DIMT1: variants seen among roughly 807,000 people sequenced by gnomAD.
DIMT1 encodes dimethyladenosine transferase.
DIMT1 carries 36 observed loss-of-function variants against 43.2 expected under a neutral mutation model. The ratio of observed to expected loss-of-function variants is 0.83; its 90% CI spans 0.64 to 1.10. DIMT1 has a LOEUF of 1.10. Among genes scored for constraint, DIMT1 ranks in the 50% least tolerant of loss-of-function variants. DIMT1 has a pLI of 0.00. For synonymous variants in DIMT1, 126 were observed against 130.3 expected, an observed-to-expected ratio of 0.97 and a Z score of 0.22; for missense variants, 341 against 385.3, an observed-to-expected ratio of 0.88 and a Z score of 0.96.
Position 62,389,069 on chromosome 5 carries a change from A to C in DIMT1, c.900-17T>G. ...TGTAGCAATCTGAAAAAAGAAATCA[A>C]AATGGAATGGTACTGAAAAGCTAAT... On this transcript the variant is annotated splice_polypyrimidine_tract_variant and intron_variant, in intron 11 of 11. Transcript: ENST00000199320. 1 of 1,609,420 alleles carries C rather than the reference A, an allele frequency of 6.2e-7. No homozygotes were observed. The highest frequency in any genetic ancestry group is 8.5e-7 in the Non-Finnish European group (1 of 1,177,374).
In DIMT1 at chr5:62,403,138, A is replaced by G. The variant is rs796896095; in HGVS notation, c.153+135T>C. On this transcript the variant is annotated intron_variant, in intron 2 of 11. Coordinates refer to ENST00000199320, the MANE Select transcript of DIMT1 (RefSeq NM_014473.4). Reference sequence around the variant, plus strand: ...ATGCAGAAGACAGCCCAAGAATCCTAGACAATTATTTGATTCATTCAACAA... The same window carrying G: ...ATGCAGAAGACAGCCCAAGAATCCTGGACAATTATTTGATTCATTCAACAA... The G allele has an allele frequency of 6.0e-5, 46 of 769,184 alleles. No individual in the cohort carries two copies. The Middle Eastern group carries it at 9.7e-4, about 16-fold the overall frequency. 47.6% of individuals were successfully genotyped at this position (769,184 alleles called of 1,614,324 possible). A position where few individuals can be genotyped will look rare whatever the true frequency, so the allele number is the denominator to read the frequency against.
intron 3 of DIMT1, among the ~76,000 whole-genome samples, chr5:62,400,146 C>A (rs948275651): frequency 1.3e-5 from 2 of 152,124 alleles, no homozygotes; most frequent in Non-Finnish European, 2.9e-5. Context: ...CAATACATGG[C>A]ATAGATAACT....
In DIMT1 at chr5:62,389,994, C is replaced by A. The variant is rs140736010; in HGVS notation, c.899+882G>T. On this transcript the variant is annotated intron_variant, in intron 11 of 11. Transcript: ENST00000199320. ...AATAGTATTCAATGCCTAGGATTAA[C>A]ATCTAAAATGACTCAGTAGTACTGC... is the stretch of plus-strand genomic sequence containing the variant. Among the ~76,000 whole-genome samples the A allele has an allele frequency of 2.6e-5, 4 of 152,306 alleles. No homozygotes were observed. The East Asian group carries it at 7.7e-4, about 29-fold the overall frequency.
At chr5:62,397,030 A>G (rs1262107487) in intron 6 of DIMT1, among the ~76,000 whole-genome samples, 1 of 152,010 alleles carries the variant, frequency 6.6e-6, no homozygotes, top group Non-Finnish European at 1.5e-5. Flanking sequence ...GCTCACTACA[A>G]CCTCCGCCTC....
In DIMT1 at chr5:62,389,033, C is replaced by T. The variant is rs374161183; in HGVS notation, c.919G>A (p.Ala307Thr). 8.8e-5 allele frequency: 142 copies of T among 1,609,514 alleles called. No homozygotes were observed. The highest frequency in any genetic ancestry group is 1.7e-4 in the Middle Eastern group (1 of 6,058). Residue 307 changes from alanine (A) to threonine (T), a missense_variant, in exon 12 of 12, where the codon GCA becomes ACA. By Grantham distance (58) the Ala-to-Thr change is moderately conservative (BLOSUM62 0). Transcript: ENST00000199320. ...ACCTAGGAAAAATGAATACCTTCTG[C>T]GTTGAATCCATGTAGCAATCTGAAA... ...DFIRLLHGFN[A>T]EGIHFS
intron 9 of DIMT1, 127 bp from the exon 10 acceptor site, chr5:62,392,361 A>T (rs1742339985): frequency 1.4e-6 from 1 of 724,208 alleles, no homozygotes; most frequent in African/African-American, 1.8e-5. Context: ...ATGAAATTAA[A>T]TCTATATTCT....
intron 10 of DIMT1, chr5:62,391,919 G>T: frequency 6.5e-7 from 1 of 1,534,652 alleles, no homozygotes; most frequent in Non-Finnish European, 8.7e-7. Context: ...TCTTGTTATG[G>T]CTAAAAACAA....
At chr5:62,393,849 G>T in intron 8 of DIMT1, 106 bp downstream of exon 8, 1 of 952,352 alleles carries the variant, frequency 1.1e-6, no homozygotes, top group Non-Finnish European at 1.5e-6. Context: ...ATTTTCCTAT[G>T]TTTGAATATT....
rs772822120 is a variant in DIMT1, at chr5:62,403,682, G to T, written c.79+12C>A. 1.2e-6 allele frequency: 2 copies of T among 1,604,214 alleles called. No homozygotes were observed. The highest frequency in any genetic ancestry group is 1.3e-5 in the African/African-American group (1 of 74,840). ...ACCCGACCGACCCCAGCTTCCTCGC[G>T]GGGATCCGCACCTCCAGCGCTCTTC... On this transcript the variant is annotated intron_variant, in intron 1 of 11. Coordinates refer to ENST00000199320, the MANE Select transcript of DIMT1 (RefSeq NM_014473.4).
chr5:62,395,512 A>G (rs1349605324), intron 6 of DIMT1, among the ~76,000 whole-genome samples: 1 of 152,192 alleles, frequency 6.6e-6, no homozygotes, highest in East Asian at 1.9e-4. Context: ...TTGTATTTCA[A>G]AACAAAAGTT....
intron 3 of DIMT1, among the ~76,000 whole-genome samples, chr5:62,401,407 A>C (rs1379840598): frequency 6.9e-6 from 1 of 145,840 alleles, no homozygotes; most frequent in Non-Finnish European, 1.5e-5. Flanking sequence ...AGGCAGGAGA[A>C]TCTCTTGAAC....
chr5:62,403,144 T>C (rs1436398190), intron 2 of DIMT1, 129 bp downstream of exon 2: 11 of 806,014 alleles, frequency 1.4e-5, no homozygotes, highest in Non-Finnish European at 2.0e-5. Context: ...TCCTAGACAA[T>C]TATTTGATTC....
intron 10 of DIMT1, 37 bp from the exon 11 acceptor site, chr5:62,391,019 T>C (rs771157668): frequency 2.0e-5 from 31 of 1,556,930 alleles, no homozygotes; most frequent in Non-Finnish European, 2.7e-5. Context: ...GAACGACATA[T>C]CTTTAATGAG....
Position 62,403,278 on chromosome 5 carries a change from C to A in DIMT1, c.148G>T (p.Asp50Tyr). 2.5e-6 allele frequency: 4 copies of A among 1,613,516 alleles called. No individual in the cohort carries two copies. The highest frequency in any genetic ancestry group is 1.1e-5 in the South Asian group (1 of 91,032). Residue 50 changes from aspartate (D) to tyrosine (Y), a missense_variant, in exon 2 of 12, where the codon GAT (aspartate) becomes TAT (tyrosine). Physicochemically the swap from Asp to Tyr is radical, Grantham distance 160. Transcript: ENST00000199320. ...CTTTCCTCTTCCACACCCACCTTAT[C>A]GATAATGCTGTTAATAATGAGAGGA... The part of the protein sequence containing the change: ...KNPLIINSII[D>Y]KAALRPTDVV...
chr5:62,403,776 G>C lies in DIMT1; in HGVS notation c.-4C>G, dbSNP rs759007563. ...CCCCCGACTTGACCTTCGGCATCTC[G>C]GCAGAAAGCGGGCCCACAGGCCCGG... On this transcript the variant is annotated 5_prime_UTR_variant, in exon 1 of 12. Coordinates refer to ENST00000199320, the MANE Select transcript of DIMT1 (RefSeq NM_014473.4). 6.2e-7 allele frequency: 1 copy of C among 1,609,946 alleles called. No individual in the cohort carries two copies. The highest frequency in any genetic ancestry group is 8.5e-7 in the Non-Finnish European group (1 of 1,178,648).
chr5:62,393,769 G>A (rs1397672729), intron 8 of DIMT1, among the ~76,000 whole-genome samples, 186 bp downstream of exon 8: 6 of 150,722 alleles, frequency 4.0e-5, no homozygotes, highest in South Asian at 2.1e-4. Flanking sequence ...TTGAGACTGG[G>A]TCTCACTTCA....
Position 62,394,547 on chromosome 5 carries a change from A to G in DIMT1, c.507T>C (p.Asp169=). ...TAATTGAGAGTCTGCAGTATAACTTATCTCCAGGTTTTGCAACCAGTCGGA... is the reference window on the plus strand; with the variant it reads ...TAATTGAGAGTCTGCAGTATAACTTGTCTCCAGGTTTTGCAACCAGTCGGA... ...FALRLVAKPG[D]KLYCRLSINT... Residue 169 remains aspartate, a synonymous_variant, in exon 7 of 12, where the codon GAT becomes GAC. Coordinates refer to ENST00000199320, the MANE Select transcript of DIMT1 (RefSeq NM_014473.4). 6.2e-7 allele frequency: 1 copy of G among 1,614,230 alleles called. No individual in the cohort carries two copies. The highest frequency in any genetic ancestry group is 8.5e-7 in the Non-Finnish European group (1 of 1,180,030).
intron 1 of DIMT1, 117 bp downstream of exon 1, chr5:62,403,577 C>G: frequency 7.8e-7 from 1 of 1,288,536 alleles, no homozygotes; most frequent in Non-Finnish European, 1.1e-6. Context: ...GCCTTCCGCG[C>G]TCACGGGAGC....
Position 62,389,121 on chromosome 5 carries a change from T to C in DIMT1, c.900-69A>G. On this transcript the variant is annotated intron_variant, in intron 11 of 11. Coordinates refer to ENST00000199320, the MANE Select transcript of DIMT1 (RefSeq NM_014473.4). ...TGTAGCACATAACGGTATATAGTTCTATACCATTAATACTAAAACATGAAT... is the reference window on the plus strand; with the variant it reads ...TGTAGCACATAACGGTATATAGTTCCATACCATTAATACTAAAACATGAAT... The C allele has an allele frequency of 2.2e-6, 3 of 1,334,370 alleles. No individual in the cohort carries two copies. In the South Asian group the frequency reaches 3.8e-5, roughly 17 times the overall value. The allele number at this position is 1,334,370 out of a possible 1,614,324, so 82.7% of individuals were successfully genotyped here.
Sources: gnomAD v4.1 joint callset for allele counts (sites outside exome capture counted in the v4.1 genomes callset) on GRCh38, gnomAD v4.1.1 for gene constraint, MANE v1.5 for transcripts, NCBI Gene and HGNC (gene_info 2026-07-23, HGNC 2026-07-21) for gene names.